The following C4orf51 variants were observed in gnomAD, a reference collection of about 807,000 sequenced individuals.
C4orf51 encodes chromosome 4 open reading frame 51, also known as uncharacterized protein C4orf51.
C4orf51 carries 25 observed loss-of-function variants against 25.2 expected under a neutral mutation model. That is an observed-to-expected ratio of 0.99 (90% CI 0.72 to 1.39). The LOEUF is 1.39. Ranked by LOEUF, C4orf51 falls within the 40% of genes most tolerant of loss-of-function variation. The probability of loss-of-function intolerance (pLI) is 0.00; values close to 1 mark genes in which losing one functional copy is unlikely to be tolerated. For missense variants in C4orf51, 252 were observed against 239.6 expected, an observed-to-expected ratio of 1.05 and a Z score of -0.34; for synonymous variants, 100 against 84.5, an observed-to-expected ratio of 1.18 and a Z score of -1.01.
intron 2 of C4orf51, among the ~76,000 whole-genome samples, chr4:145,707,996 C>T (rs972137975): frequency 1.3e-5 from 2 of 152,164 alleles, no homozygotes; most frequent in Admixed American, 1.3e-4. Flanking sequence ...TTTCCAGTGG[C>T]CGACTTTCTG....
At position 145,732,544 on chromosome 4, in the gene C4orf51, C is replaced by T. The variant is rs772635003; in HGVS notation, c.593C>T (p.Ser198Leu). The T allele has an allele frequency of 8.1e-6, 13 of 1,608,154 alleles. No individual in the cohort carries two copies. Among genetic ancestry groups the T allele is most frequent in the Non-Finnish European group, 1.0e-5 (12 of 1,177,680 alleles). The change falls in exon 6 of 6, where the codon TCA becomes TTA. Residue 198 changes from serine to leucine, a missense_variant. By Grantham distance (145) the Ser-to-Leu change is moderately radical (BLOSUM62 -2). Transcript: ENST00000438731. ...TCCGATTATGGCTGGGGAGGACCCT[C>T]ATCGCCATTTAACTGAGTTGGAAAA... ...RYSDYGWGGPSSPFN is the reference protein window; with the variant it reads ...RYSDYGWGGPLSPFN
downstream of C4orf51, chr4:145,774,793 C>T (rs1333003556): frequency 6.1e-6 from 7 of 1,153,608 alleles, no homozygotes; most frequent in East Asian, 1.8e-4. Context: ...ACATTTGTCT[C>T]TCCACCAAAA....
chr4:145,710,036 T>A (rs1223593706), intron 2 of C4orf51, among the ~76,000 whole-genome samples: 1 of 152,320 alleles, frequency 6.6e-6, no homozygotes, highest in East Asian at 1.9e-4. Context: ...AGGGATCATA[T>A]CTGAGTCATG....
chr4:145,693,844 AC>A (rs1435778384), intron 1 of C4orf51, among the ~76,000 whole-genome samples: 11 of 43,394 alleles, frequency 2.5e-4, no homozygotes, highest in South Asian at 1.7e-3. Flanking sequence ...GGGGGGGCTG[AC>A]CCCCCCCACC....
At chr4:145,777,592 A>G in the C4orf51 span, among the ~76,000 whole-genome samples, 1 of 152,156 alleles carries the variant, frequency 6.6e-6, no homozygotes, top group African/African-American at 2.4e-5. Context: ...ATTCTCCAAT[A>G]ATTCTTTAAC....
the C4orf51 span, among the ~76,000 whole-genome samples, chr4:145,785,153 G>A: frequency 6.6e-6 from 1 of 152,188 alleles, no homozygotes; most frequent in East Asian, 1.9e-4. Flanking sequence ...ACAGTGTAAG[G>A]AGAACGATCT....
In C4orf51 at chr4:145,726,976, C is replaced by T. The variant is rs771818362; in HGVS notation, c.366+7C>T. 1.2e-6 allele frequency: 2 copies of T among 1,608,888 alleles called. No individual in the cohort carries two copies. The highest frequency in any genetic ancestry group is 8.5e-7 in the Non-Finnish European group (1 of 1,175,698). ...TGATGTCAAGCATGGAGTGGTAAGC[C>T]CAACATTTCTCAGCAATCTCTTACC... On this transcript the variant is annotated splice_region_variant and intron_variant, in intron 3 of 5. Transcript: ENST00000438731.
At chr4:145,754,163 G>A (rs551543038) in intron 1 of C4orf51, 17 of 152,304 alleles carry the variant, frequency 1.1e-4, no homozygotes, top group Admixed American at 9.8e-4. Context: ...GATACCACTT[G>A]TTCCCCATCT....
At chr4:145,786,106 A>G in the C4orf51 span, among the ~76,000 whole-genome samples, 1 of 152,214 alleles carries the variant, frequency 6.6e-6, no homozygotes, top group South Asian at 2.1e-4. Context: ...TTTGGGGAGC[A>G]TTTTTGGTAA....
chr4:145,747,100 G>A (rs921551289), intron 1 of C4orf51, among the ~76,000 whole-genome samples: 1 of 151,970 alleles, frequency 6.6e-6, no homozygotes, highest in African/African-American at 2.4e-5. Flanking sequence ...TAGTTTTTTG[G>A]TGGAGTCTAG....
chr4:145,690,762 A>C (rs1404094869), intron 1 of C4orf51, among the ~76,000 whole-genome samples: 1 of 152,198 alleles, frequency 6.6e-6, no homozygotes, highest in Non-Finnish European at 1.5e-5. Context: ...TCCAGAATCC[A>C]CAAGGAACTT....
intron 1 of C4orf51, among the ~76,000 whole-genome samples, chr4:145,685,088 T>C (rs1729061296): frequency 6.6e-6 from 1 of 152,150 alleles, no homozygotes; most frequent in African/African-American, 2.4e-5. Flanking sequence ...CAACTTAAGA[T>C]ACTTGTCCTA....
chr4:145,770,036 G>A (rs1244327023), intron 1 of C4orf51, among the ~76,000 whole-genome samples: 2 of 152,122 alleles, frequency 1.3e-5, no homozygotes, highest in Non-Finnish European at 2.9e-5. Context: ...CGTGGCTCAC[G>A]CCTGTAATCC....
chr4:145,698,751 C>T (rs1730241233), intron 2 of C4orf51, among the ~76,000 whole-genome samples: 1 of 152,190 alleles, frequency 6.6e-6, no homozygotes, highest in Non-Finnish European at 1.5e-5. Context: ...GAAGCTCCAC[C>T]AGTCAGTTGG....
At chr4:145,753,667 AG>A (rs1203561287) in intron 1 of C4orf51, among the ~76,000 whole-genome samples, 1 of 152,022 alleles carries the variant, frequency 6.6e-6, no homozygotes, top group Non-Finnish European at 1.5e-5. Flanking sequence ...TTTCATGGTG[AG>A]TTTGGACCTA....
chr4:145,723,953 GA>G (rs1731897452), intron 2 of C4orf51, among the ~76,000 whole-genome samples: 1 of 152,150 alleles, frequency 6.6e-6, no homozygotes, highest in Non-Finnish European at 1.5e-5. Flanking sequence ...TACCGCTAAA[GA>G]AAATGAGAGA....
intron 1 of C4orf51, among the ~76,000 whole-genome samples, chr4:145,683,132 A>T (rs1473732933): frequency 6.6e-6 from 1 of 152,214 alleles, no homozygotes; most frequent in Non-Finnish European, 1.5e-5. Context: ...ATTTTAAATA[A>T]AAAACATAAT....
At chr4:145,760,767 A>G in intron 1 of C4orf51, 1 of 1,131,746 alleles carries the variant, frequency 8.8e-7, no homozygotes, top group South Asian at 2.0e-5. Flanking sequence ...TTGGTACAGA[A>G]CATGGCTGCC....
At chr4:145,787,451 G>T in the C4orf51 span, among the ~76,000 whole-genome samples, 2 of 140,620 alleles carry the variant, frequency 1.4e-5, no homozygotes, top group Non-Finnish European at 1.5e-5. Flanking sequence ...GACAGAGTGA[G>T]ACTCCGTCTC....
Sources: gnomAD v4.1 joint callset for allele counts (sites outside exome capture counted in the v4.1 genomes callset) on GRCh38, gnomAD v4.1.1 for gene constraint, MANE v1.5 for transcripts, NCBI Gene and HGNC (gene_info 2026-07-23, HGNC 2026-07-21) for gene names.